Variants in CASK observed in about 807,000 individuals in gnomAD.
CASK encodes the protein calcium/calmodulin dependent serine protein kinase, also known as peripheral plasma membrane protein CASK.
Under a neutral mutation model 82.9 loss-of-function variants are expected in CASK, and 4 were observed. The observed-to-expected ratio is 0.05, with a 90% confidence interval of 0.02 to 0.11. The LOEUF is 0.11. Among genes scored for constraint, CASK ranks in the 10% least tolerant of loss-of-function variants. The probability of loss-of-function intolerance (pLI) is 1.00; values close to 1 mark genes in which losing one functional copy is unlikely to be tolerated. For missense variants in CASK, 358 were observed against 720.9 expected, an observed-to-expected ratio of 0.50 and a Z score of 5.76; for synonymous variants, 259 against 253.5, an observed-to-expected ratio of 1.02 and a Z score of -0.20.
chrX:41,887,435 T>G (rs974821448), intron 1 of CASK, among the ~76,000 whole-genome samples: 47 of 110,330 alleles, frequency 4.3e-4, no homozygotes, highest in African/African-American at 1.4e-3. Context: ...GATACATCTC[T>G]ATTATTTCCA....
At chrX:41,520,724 C>A in intron 26 of CASK, 128 bp from the exon 27 acceptor site, 1 of 591,503 alleles carries the variant, frequency 1.7e-6, no homozygotes, top group Non-Finnish European at 2.8e-6. Flanking sequence ...ACAGTCAAGG[C>A]CAGACCCTGA....
At chrX:41,622,337 G>A (rs1233607104) in intron 11 of CASK, among the ~76,000 whole-genome samples, 4 of 112,327 alleles carry the variant, frequency 3.6e-5, no homozygotes, top group South Asian at 3.6e-4. Context: ...TAATGTATTC[G>A]TATGTGAAAT....
chrX:41,765,841 A>G (rs764314320), intron 3 of CASK, among the ~76,000 whole-genome samples: 2 of 112,030 alleles, frequency 1.8e-5, no homozygotes, highest in Non-Finnish European at 3.8e-5. Flanking sequence ...TTGTGTAATC[A>G]TATACATGTT....
chrX:41,676,863 T>G (rs1479678680), intron 5 of CASK, among the ~76,000 whole-genome samples: 1 of 112,347 alleles, frequency 8.9e-6, no homozygotes, highest in Non-Finnish European at 1.9e-5. Flanking sequence ...AAGGTAAAGC[T>G]GACAGGAATT....
At position 41,923,464 on chromosome X, in the gene CASK, G is replaced by C. The variant is rs1393202922; in HGVS notation, c.-476C>G. The C allele has an allele frequency of 9.0e-6, 1 of 111,126 alleles. No homozygotes were observed. Among genetic ancestry groups the C allele is most frequent in the African/African-American group, 3.3e-5 (1 of 30,669 alleles). 9.2% of individuals were successfully genotyped at this position (111,126 alleles called of 1,213,427 possible). A position where few individuals can be genotyped will look rare whatever the true frequency, so the allele number is the denominator to read the frequency against. Reference sequence around the variant, plus strand: ...CGCCGCGGAGGGAGGTGGCGGCGGCGGCGGATCGGCGCTGGGGACCAGGAG... The same window carrying C: ...CGCCGCGGAGGGAGGTGGCGGCGGCCGCGGATCGGCGCTGGGGACCAGGAG... On this transcript the variant is annotated 5_prime_UTR_variant, in exon 1 of 27. Transcript: ENST00000378163.
chrX:41,625,592 A>T (rs2066355352), intron 10 of CASK, among the ~76,000 whole-genome samples: 1 of 110,186 alleles, frequency 9.1e-6, no homozygotes, highest in Non-Finnish European at 1.9e-5. Context: ...AGCTCAGGTG[A>T]TCCCCCTGAG....
At chrX:41,831,477 T>C (rs2147929201) in intron 2 of CASK, among the ~76,000 whole-genome samples, 1 of 112,590 alleles carries the variant, frequency 8.9e-6, no homozygotes, top group Non-Finnish European at 1.9e-5. Flanking sequence ...GTTTGATTAG[T>C]ACATGGCAGT....
intron 5 of CASK, chrX:41,676,551 C>A (rs2067269106): frequency 9.7e-7 from 1 of 1,034,652 alleles, no homozygotes; most frequent in Admixed American, 2.7e-5. Flanking sequence ...TCGCCTGGGT[C>A]TACCTGGCGG....
chrX:41,728,906 A>G (rs768457304), intron 5 of CASK: 15 of 123,614 alleles, frequency 1.2e-4, no homozygotes, highest in African/African-American at 4.8e-4. Flanking sequence ...GAGAAGCAAT[A>G]TTCATTGACT....
Position 41,609,884 on chromosome X carries a change from T to A in CASK, c.1155+20A>T, listed in dbSNP as rs781127664. 3.3e-6 allele frequency: 4 copies of A among 1,207,673 alleles called. No individual in the cohort carries two copies. The highest frequency in any genetic ancestry group is 4.5e-6 in the Non-Finnish European group (4 of 892,271). On this transcript the variant is annotated intron_variant, in intron 12 of 26. Coordinates refer to ENST00000378163, the MANE Select transcript of CASK (RefSeq NM_001367721.1). ...TATTCAATTCACCAAAAAAGAAGAA[T>A]AATAAAAAGACAGACTTACATCTAG...
intron 1 of CASK, among the ~76,000 whole-genome samples, chrX:41,858,983 T>C (rs978412220): frequency 1.8e-5 from 2 of 111,674 alleles, no homozygotes; most frequent in African/African-American, 6.5e-5. Context: ...TCAGTTGTAA[T>C]TTTATATCTA....
intron 3 of CASK, among the ~76,000 whole-genome samples, chrX:41,750,424 G>C (rs1284447698): frequency 9.0e-6 from 1 of 111,399 alleles, no homozygotes; most frequent in Admixed American, 9.6e-5. Flanking sequence ...CCATCTTGGG[G>C]TGCTTCTGGG....
At chrX:41,770,299 C>CTAT (rs1569441729) in intron 3 of CASK, among the ~76,000 whole-genome samples, 1,911 of 71,540 alleles carry the variant, frequency 0.027, 27 homozygotes, top group Middle Eastern at 0.035. Flanking sequence ...TATCTATCTA[C>CTAT]CTACCTACCT....
intron 12 of CASK, among the ~76,000 whole-genome samples, chrX:41,594,126 A>G (rs1359990228): frequency 8.9e-6 from 1 of 112,101 alleles, no homozygotes; most frequent in Non-Finnish European, 1.9e-5. Context: ...GCTAAGGCCA[A>G]GAGGAAGTAA....
Position 41,755,417 on chromosome X carries a change from C to T in CASK, c.279-9816G>A, listed in dbSNP as rs188733918. 4.2e-3 allele frequency among the ~76,000 whole-genome samples: 466 copies of T among 111,507 alleles called. 2 individuals carry two copies. The highest frequency in any genetic ancestry group is 0.013 in the African/African-American group (404 of 30,715). Reference sequence around the variant, plus strand: ...ACACCAGGTCCAAATTGAGTTTACCCGAGGAATGCAAAACTTTTAACATTT... The same window carrying T: ...ACACCAGGTCCAAATTGAGTTTACCTGAGGAATGCAAAACTTTTAACATTT... On this transcript the variant is annotated intron_variant, in intron 3 of 26. Coordinates refer to ENST00000378163, the MANE Select transcript of CASK (RefSeq NM_001367721.1).
intron 2 of CASK, among the ~76,000 whole-genome samples, chrX:41,811,546 CAA>C (rs1337643731): frequency 2.6e-4 from 29 of 112,222 alleles, no homozygotes; most frequent in Non-Finnish European, 4.5e-4. Flanking sequence ...CCAATGAGAA[CAA>C]AGACACAACA....
intron 5 of CASK, chrX:41,728,128 G>T (rs965161284): frequency 7.3e-6 from 3 of 409,489 alleles, no homozygotes; most frequent in Non-Finnish European, 1.2e-5. Flanking sequence ...GTCACAGCTT[G>T]GTTGACAATA....
At chrX:41,622,734 G>C in intron 10 of CASK, 100 bp from the exon 11 acceptor site, 2 of 638,306 alleles carry the variant, frequency 3.1e-6, no homozygotes, top group Non-Finnish European at 4.8e-6. Context: ...GCCACCAGAA[G>C]CATGGTCCCC....
At chrX:41,756,218 A>C (rs747231015) in intron 3 of CASK, among the ~76,000 whole-genome samples, 2 of 112,324 alleles carry the variant, frequency 1.8e-5, no homozygotes, top group East Asian at 5.6e-4. Context: ...ACACTAGGAC[A>C]GACAACAGCA....
Sources: allele counts gnomAD v4.1 joint callset (sites outside exome capture counted in the v4.1 genomes callset), GRCh38; gene constraint gnomAD v4.1.1; transcripts MANE v1.5; gene names NCBI Gene and HGNC (gene_info 2026-07-23, HGNC 2026-07-21).